CADPS2: variants seen among roughly 807,000 people sequenced by gnomAD.
CADPS2 encodes calcium-dependent secretion activator 2.
CADPS2 carries 93 observed loss-of-function variants against 172.5 expected under a neutral mutation model. The observed-to-expected ratio is 0.54, with a 90% CI of 0.46 to 0.64. The LOEUF is 0.64. Among genes scored for constraint, CADPS2 ranks in the 30% least tolerant of loss-of-function variants. The pLI, the probability that CADPS2 is intolerant of heterozygous loss-of-function variation, is 0.00. For missense variants in CADPS2, 1,420 were observed against 1,565.9 expected, an observed-to-expected ratio of 0.91 and a Z score of 1.57; for synonymous variants, 546 against 555.2, an observed-to-expected ratio of 0.98 and a Z score of 0.23.
intron 17 of CADPS2, among the ~76,000 whole-genome samples, chr7:122,425,628 T>C (rs1001303868): frequency 6.6e-6 from 1 of 151,514 alleles, no homozygotes. Flanking sequence ...TCTTTAGCCA[T>C]GTCATATACA....
intron 1 of CADPS2, among the ~76,000 whole-genome samples, chr7:122,878,670 A>ATAAC (rs1277980542): frequency 2.6e-5 from 4 of 151,386 alleles, no homozygotes; most frequent in Non-Finnish European, 5.9e-5. Context: ...AAATAAATAA[A>ATAAC]TAAATAAATA....
intron 1 of CADPS2, among the ~76,000 whole-genome samples, chr7:122,783,955 T>G (rs1793420628): frequency 6.6e-6 from 1 of 152,186 alleles, no homozygotes; most frequent in African/African-American, 2.4e-5. Flanking sequence ...TTACTATAAC[T>G]ATCTTTAATA....
chr7:122,591,698 G>C (rs1286433645), intron 6 of CADPS2, among the ~76,000 whole-genome samples: 1 of 151,478 alleles, frequency 6.6e-6, no homozygotes, highest in African/African-American at 2.4e-5. Flanking sequence ...CTACAACCAT[G>C]TGATCTTTGA....
intron 28 of CADPS2, among the ~76,000 whole-genome samples, chr7:122,339,599 C>T (rs1055145676): frequency 2.0e-5 from 3 of 152,116 alleles, no homozygotes; most frequent in Non-Finnish European, 2.9e-5. Flanking sequence ...TCAAAAGTTC[C>T]GGGCAGGCCG....
intron 17 of CADPS2, among the ~76,000 whole-genome samples, chr7:122,427,944 G>C (rs2049378100): frequency 6.6e-6 from 1 of 152,112 alleles, no homozygotes; most frequent in Admixed American, 6.5e-5. Context: ...TCTATGACTT[G>C]TGAGTTTCAA....
chr7:122,868,136 C>A (rs73441734), intron 1 of CADPS2, among the ~76,000 whole-genome samples: 1 of 152,072 alleles, frequency 6.6e-6, no homozygotes, highest in Non-Finnish European at 1.5e-5. Context: ...CTGCATGCAT[C>A]GAGTGCTCCA....
intron 3 of CADPS2, among the ~76,000 whole-genome samples, chr7:122,652,985 T>G (rs907644883): frequency 3.3e-5 from 5 of 152,198 alleles, no homozygotes; most frequent in African/African-American, 1.2e-4. Context: ...AAATAGCCTT[T>G]TTCAGAAGAG....
chr7:122,704,603 G>C (rs776249743), intron 2 of CADPS2, among the ~76,000 whole-genome samples: 1 of 151,844 alleles, frequency 6.6e-6, no homozygotes, highest in African/African-American at 2.4e-5. Context: ...CACATCAAAA[G>C]GTTCTCTGTA....
chr7:122,506,386 CTG>C (rs1438253678), intron 9 of CADPS2, among the ~76,000 whole-genome samples: 1 of 152,194 alleles, frequency 6.6e-6, no homozygotes, highest in Non-Finnish European at 1.5e-5. Flanking sequence ...AGACTTTAAT[CTG>C]GGGACAGAAT....
intron 9 of CADPS2, among the ~76,000 whole-genome samples, chr7:122,508,767 A>T (rs1263290047): frequency 2.6e-5 from 4 of 152,102 alleles, no homozygotes; most frequent in African/African-American, 9.7e-5. Context: ...CATAATGATG[A>T]ATTAAAGGTG....
chr7:122,801,283 C>A (rs549192733), intron 1 of CADPS2, among the ~76,000 whole-genome samples: 1 of 151,994 alleles, frequency 6.6e-6, no homozygotes, highest in Non-Finnish European at 1.5e-5. Flanking sequence ...AGAAATGCTG[C>A]AAAAATCCTA....
intron 19 of CADPS2, among the ~76,000 whole-genome samples, chr7:122,408,235 A>G (rs1218576215): frequency 6.7e-6 from 1 of 149,732 alleles, no homozygotes; most frequent in African/African-American, 2.5e-5. Flanking sequence ...ATTTTTTGCT[A>G]TTCTCAATGA....
intron 9 of CADPS2, among the ~76,000 whole-genome samples, chr7:122,497,232 AAC>A (rs1294785652): frequency 6.6e-6 from 1 of 152,130 alleles, no homozygotes; most frequent in East Asian, 1.9e-4. Context: ...GATCTCTATG[AAC>A]AACAACTGGG....
chr7:122,734,648 T>C (rs1174635362), intron 2 of CADPS2, among the ~76,000 whole-genome samples: 1 of 151,968 alleles, frequency 6.6e-6, no homozygotes, highest in African/African-American at 2.4e-5. Context: ...ATGCAAAATA[T>C]ACTTCTAAAA....
chr7:122,695,543 CT>C (rs1275909818), intron 2 of CADPS2, among the ~76,000 whole-genome samples: 3 of 152,108 alleles, frequency 2.0e-5, no homozygotes, highest in African/African-American at 7.2e-5. Context: ...CTGTTTTGTT[CT>C]GACATAAAAG....
At chr7:122,637,743 T>G (rs2430016) in intron 3 of CADPS2, among the ~76,000 whole-genome samples, 78,722 of 152,008 alleles carry the variant, frequency 0.52, 20,655 homozygotes, top group East Asian at 0.72. Flanking sequence ...TCTGCCTTTT[T>G]GAATTGCCAG....
rs937835687 is a variant in CADPS2 at position 122,703,804 on chromosome 7, T to C, written c.453+33151A>G. On this transcript the variant is annotated intron_variant, in intron 2 of 29. Transcript: ENST00000449022. The stretch of plus-strand genomic sequence containing the variant: ...GTGGCTTGGACTCAAAGTAGCAGCA[T>C]AGATGTAGAGACACAGACAAAGGCT... Among the ~76,000 whole-genome samples, 40 of 152,032 alleles carry C rather than the reference T, an allele frequency of 2.6e-4. 1 individual carries two copies. The highest frequency in any genetic ancestry group is 2.2e-3 in the Admixed American group (34 of 15,240).
intron 3 of CADPS2, among the ~76,000 whole-genome samples, chr7:122,630,463 T>C (rs1248458778): frequency 6.6e-6 from 1 of 151,828 alleles, no homozygotes; most frequent in Non-Finnish European, 1.5e-5. Context: ...ACACAGTGGT[T>C]CTTTTGGAAT....
At chr7:122,817,556 TA>T in intron 1 of CADPS2, among the ~76,000 whole-genome samples, 1 of 152,238 alleles carries the variant, frequency 6.6e-6, no homozygotes, top group Admixed American at 6.5e-5. Context: ...CCTCTCTGAT[TA>T]TTCACCCACG....
Sources: allele counts gnomAD v4.1 joint callset (sites outside exome capture counted in the v4.1 genomes callset), GRCh38; gene constraint gnomAD v4.1.1; transcripts MANE v1.5; gene names NCBI Gene and HGNC (gene_info 2026-07-23, HGNC 2026-07-21).